The following SAMD4A variants were observed in gnomAD, a reference collection of about 807,000 sequenced individuals.
SAMD4A encodes the protein protein Smaug homolog 1.
SAMD4A carries 33 observed loss-of-function variants against 81.3 expected under a neutral mutation model. The observed-to-expected ratio is 0.41, with a 90% CI of 0.31 to 0.54. The LOEUF is 0.54. Ranked by LOEUF, SAMD4A falls within the 20% of genes least tolerant of loss-of-function variation. The probability of loss-of-function intolerance (pLI) is 0.37; values close to 1 mark genes in which losing one functional copy is unlikely to be tolerated. For synonymous variants in SAMD4A, 389 were observed against 382.1 expected (o/e 1.02, Z -0.21); for missense variants, 854 against 951.1 (o/e 0.90, Z 1.34).
rs1031298056 is a variant in SAMD4A, at chr14:54,722,717, A to G, written c.716-14307A>G. ...TGATATTCATCTAATCATGTATTTA[A>G]TGTTTCTTCCTGTTTTAAAGTTCTG... is the stretch of plus-strand genomic sequence containing the variant. On this transcript the variant is annotated intron_variant, in intron 3 of 12. Transcript: ENST00000554335. Among the ~76,000 whole-genome samples the G allele has an allele frequency of 2.0e-4, 30 of 152,160 alleles. 1 individual carries two copies. Among genetic ancestry groups the G allele is most frequent in the Non-Finnish European group, 2.9e-5 (2 of 68,024 alleles).
chr14:54,756,829 G>T (rs1410633552), intron 6 of SAMD4A, among the ~76,000 whole-genome samples: 4 of 152,168 alleles, frequency 2.6e-5, no homozygotes, highest in African/African-American at 9.7e-5. Context: ...GCCACATCAG[G>T]GCTGGTATAA....
chr14:54,632,024 C>G (rs1407593489), intron 2 of SAMD4A, among the ~76,000 whole-genome samples: 1 of 152,190 alleles, frequency 6.6e-6, no homozygotes, highest in African/African-American at 2.4e-5. Flanking sequence ...ACTGTACACA[C>G]AGAGTCCCTG....
At chr14:54,742,468 G>A (rs554141683) in intron 4 of SAMD4A, among the ~76,000 whole-genome samples, 5 of 152,208 alleles carry the variant, frequency 3.3e-5, no homozygotes, top group South Asian at 2.1e-4. Flanking sequence ...TAACAGCCCC[G>A]ACTTCCTCTC....
chr14:54,597,531 T>C (rs146879708), intron 2 of SAMD4A, among the ~76,000 whole-genome samples: 177 of 151,392 alleles, frequency 1.2e-3, no homozygotes, highest in African/African-American at 4.1e-3. Context: ...ACCTTGGCCT[T>C]CCAAAGTGCT....
In SAMD4A at chr14:54,567,148, C is replaced by T. The variant is rs953121617; in HGVS notation, c.-612C>T. 10 of 152,320 alleles carry T rather than the reference C, an allele frequency of 6.6e-5. No homozygotes were observed. The highest frequency in any genetic ancestry group is 2.4e-4 in the African/African-American group (10 of 41,462). The allele number at this position is 152,320 out of a possible 1,614,324, so 9.4% of individuals were successfully genotyped here. ...CCTTCGCAGCCGCATTGCAAGTTTT[C>T]TGCGCGGGGAAGATCTGTTGCTGGT... On this transcript the variant is annotated 5_prime_UTR_variant, in exon 1 of 13. Transcript: ENST00000554335.
intron 2 of SAMD4A, among the ~76,000 whole-genome samples, chr14:54,691,002 G>T (rs1053438297): frequency 2.0e-5 from 3 of 152,100 alleles, no homozygotes; most frequent in Non-Finnish European, 2.9e-5. Flanking sequence ...GCTCCTTCCT[G>T]CCAGGTTTGT....
rs541479660 is a variant in SAMD4A, at chr14:54,784,295, A to AG, written c.2045-241dup. On this transcript the variant is annotated intron_variant, in intron 11 of 12. Transcript: ENST00000554335. ...GGAGGGTTCTGAGCAGAGGAGGCAC[A>AG]GACTGTGACATGACCAGCTATTTTT... The AG allele has an allele frequency of 4.9e-4, 723 of 1,465,196 alleles. 4 individuals are homozygous for AG. In the East Asian group the frequency reaches 0.016, roughly 33 times the overall value. 90.8% of individuals were successfully genotyped at this position (1,465,196 alleles called of 1,614,324 possible).
At chr14:54,640,594 G>C (rs976737803) in intron 2 of SAMD4A, among the ~76,000 whole-genome samples, 1 of 152,178 alleles carries the variant, frequency 6.6e-6, no homozygotes, top group Non-Finnish European at 1.5e-5. Flanking sequence ...CAGTCTGGTG[G>C]TAACAGCTAG....
rs1009095217 is a variant in SAMD4A at position 54,698,698 on chromosome 14, G to A, written c.197-3364G>A. Among the ~76,000 whole-genome samples, 5 of 152,328 alleles carry A rather than the reference G, an allele frequency of 3.3e-5. No homozygotes were observed. The South Asian group carries it at 1.0e-3, about 32-fold the overall frequency. ...GCCCTCAGAGAGCAATCTGATTTCT[G>A]TGTTCCCAGTGGTAGTAAACAAAAG... On this transcript the variant is annotated intron_variant, in intron 2 of 12. Coordinates refer to ENST00000554335, the MANE Select transcript of SAMD4A (RefSeq NM_015589.6).
intron 2 of SAMD4A, chr14:54,694,967 C>T: frequency 1.0e-6 from 1 of 968,716 alleles, no homozygotes; most frequent in Non-Finnish European, 1.2e-6. Context: ...GCAAGAGGTA[C>T]CTGGTTCTTG....
chr14:54,774,212 T>C (rs75520681), intron 9 of SAMD4A, among the ~76,000 whole-genome samples: 4,288 of 152,334 alleles, frequency 0.028, 83 homozygotes, highest in South Asian at 0.055. Flanking sequence ...GTGTGACCTG[T>C]GCACAAGGAT....
chr14:54,565,934 A>T (rs1039229440), upstream of SAMD4A, among the ~76,000 whole-genome samples: 1 of 150,098 alleles, frequency 6.7e-6, no homozygotes, highest in Non-Finnish European at 1.5e-5. This position sits in a 1 kb window ranked among gnomAD's most constrained non-coding sequence, Gnocchi z 5.4. Context: ...GTCCCCACTT[A>T]GGAATCCGTC....
intron 2 of SAMD4A, among the ~76,000 whole-genome samples, chr14:54,624,607 T>G (rs937107898): frequency 6.6e-6 from 1 of 152,256 alleles, no homozygotes; most frequent in Non-Finnish European, 1.5e-5. Flanking sequence ...AAGTAAATGC[T>G]GTCTCCTCTC....
intron 7 of SAMD4A, among the ~76,000 whole-genome samples, chr14:54,763,824 AC>A (rs1292689422): frequency 6.6e-6 from 1 of 152,142 alleles, no homozygotes; most frequent in African/African-American, 2.4e-5. Flanking sequence ...TGTATACTCT[AC>A]CCGCAGACTA....
At chr14:54,659,076 A>G (rs1475889660) in intron 2 of SAMD4A, among the ~76,000 whole-genome samples, 1 of 152,250 alleles carries the variant, frequency 6.6e-6, no homozygotes, top group Non-Finnish European at 1.5e-5. Context: ...AAGGAAATAG[A>G]CAAAACCTGG....
intron 4 of SAMD4A, 37 bp downstream of exon 4, chr14:54,737,324 C>G: frequency 6.2e-7 from 1 of 1,609,774 alleles, no homozygotes; most frequent in Non-Finnish European, 8.5e-7. Context: ...GGGAAAGAGC[C>G]CCTCCCTTTA....
intron 3 of SAMD4A, among the ~76,000 whole-genome samples, chr14:54,712,535 A>G (rs998931152): frequency 1.3e-5 from 2 of 152,076 alleles, no homozygotes; most frequent in African/African-American, 4.8e-5. Flanking sequence ...GTGATATCTC[A>G]GAGGACTCGA....
chr14:54,774,854 G>C (rs1274943744), intron 9 of SAMD4A, 80 bp from the exon 10 acceptor site: 5 of 1,235,048 alleles, frequency 4.0e-6, no homozygotes, highest in Admixed American at 1.8e-5. Flanking sequence ...CCTCCAAGGC[G>C]ACATCCCTTG....
chr14:54,725,967 A>C (rs1198323084), intron 3 of SAMD4A, among the ~76,000 whole-genome samples: 1 of 152,176 alleles, frequency 6.6e-6, no homozygotes, highest in Non-Finnish European at 1.5e-5. Flanking sequence ...TGTACATACA[A>C]ATCTCCTAGG....
Sources: allele counts gnomAD v4.1 joint callset (sites outside exome capture counted in the v4.1 genomes callset), GRCh38; gene constraint gnomAD v4.1.1; non-coding constraint Gnocchi (gnomAD v3.1); transcripts MANE v1.5; gene names NCBI Gene and HGNC (gene_info 2026-07-23, HGNC 2026-07-21).